The following ATG2B variants were observed in gnomAD, a reference collection of about 807,000 sequenced individuals.
The protein encoded by ATG2B is autophagy related 2B, also known as autophagy-related protein 2 homolog B.
A neutral mutation model predicts 241.3 loss-of-function variants in ATG2B; 121 were observed. The observed-to-expected ratio is 0.50, with a 90% CI of 0.43 to 0.58. The LOEUF is 0.58. Among genes scored for constraint, ATG2B ranks in the 20% least tolerant of loss-of-function variants. The probability of loss-of-function intolerance (pLI) is 0.00; values close to 1 mark genes in which losing one functional copy is unlikely to be tolerated. For missense variants in ATG2B, 2,306 were observed against 2,491.6 expected, an observed-to-expected ratio of 0.93 and a Z score of 1.59; for synonymous variants, 858 against 876.6, an observed-to-expected ratio of 0.98 and a Z score of 0.37.
chr14:96,295,169 T>G lies in ATG2B; in HGVS notation c.5219-2A>C. 6.2e-7 allele frequency: 1 copy of G among 1,612,792 alleles called. No homozygotes were observed. Among genetic ancestry groups the G allele is most frequent in the Non-Finnish European group, 8.5e-7 (1 of 1,179,024 alleles). On this transcript the variant is annotated splice_acceptor_variant, in intron 35 of 41. Transcript: ENST00000359933. LOFTEE classifies it high-confidence loss of function. ...CATCAGCTCCAGGAGACTTTTTAACTGAAAATGTAATGTGCATGTTTGAAA... is the reference window on the plus strand; with the variant it reads ...CATCAGCTCCAGGAGACTTTTTAACGGAAAATGTAATGTGCATGTTTGAAA...
chr14:96,312,620 C>A (rs1887192207), intron 25 of ATG2B, among the ~76,000 whole-genome samples: 1 of 151,906 alleles, frequency 6.6e-6, no homozygotes, highest in Non-Finnish European at 1.5e-5. Flanking sequence ...GATAGAGGCA[C>A]ACGTCTATAG....
At position 96,325,638 on chromosome 14, in the gene ATG2B, T is replaced by C. The variant is rs907239596; in HGVS notation, c.2437+11A>G. 3.7e-6 allele frequency: 6 copies of C among 1,606,362 alleles called. No individual in the cohort carries two copies. The highest frequency in any genetic ancestry group is 5.1e-6 in the Non-Finnish European group (6 of 1,176,944). On this transcript the variant is annotated intron_variant, in intron 15 of 41. Transcript: ENST00000359933. ...CTAGGATGGTTCTTTTACAGGCACA[T>C]TCAATCTTACCAATTAGTTCTCTAA...
intron 34 of ATG2B, among the ~76,000 whole-genome samples, chr14:96,300,781 T>C (rs1886768567): frequency 6.6e-6 from 1 of 152,254 alleles, no homozygotes; most frequent in Non-Finnish European, 1.5e-5. Flanking sequence ...TCAGAGGCTA[T>C]AAGCATTAAT....
intron 21 of ATG2B, 25 bp downstream of exon 21, chr14:96,316,507 GA>G (rs777578640): frequency 1.9e-6 from 3 of 1,600,452 alleles, no homozygotes; most frequent in Non-Finnish European, 2.6e-6. Context: ...CTAAAGAGAA[GA>G]AACCAAGACA....
In ATG2B at chr14:96,289,617, C is replaced by T; in HGVS notation, c.6006+39G>A. On this transcript the variant is annotated intron_variant, in intron 41 of 41. Transcript: ENST00000359933. The surrounding 1 kb of genome is among the most constrained non-coding windows in gnomAD (Gnocchi z 4.3). ...TTTAGGTGAAAGTTGGGAAAGCGCA[C>T]AGAAGGGTTCTGATGTGTCCACCCA... is the stretch of plus-strand genomic sequence containing the variant. The T allele has an allele frequency of 6.2e-7, 1 of 1,603,996 alleles. No individual in the cohort carries two copies. Among genetic ancestry groups the T allele is most frequent in the Non-Finnish European group, 8.5e-7 (1 of 1,175,158 alleles).
At chr14:96,292,867 T>C (rs996096490) in intron 36 of ATG2B, 1 of 152,358 alleles carries the variant, frequency 6.6e-6, no homozygotes, top group Non-Finnish European at 1.5e-5. Flanking sequence ...AAGTCCCTTA[T>C]ATAAAATGGG....
intron 6 of ATG2B, among the ~76,000 whole-genome samples, chr14:96,335,784 T>C (rs1887854384): frequency 6.6e-6 from 1 of 152,190 alleles, no homozygotes; most frequent in Non-Finnish European, 1.5e-5. Context: ...AATTTAAAAA[T>C]TGTTTTATAA....
intron 23 of ATG2B, among the ~76,000 whole-genome samples, 163 bp from the exon 24 acceptor site, chr14:96,313,598 T>C (rs1887223914): frequency 6.6e-6 from 1 of 152,156 alleles, no homozygotes; most frequent in Non-Finnish European, 1.5e-5. Context: ...AGGAATTAGT[T>C]TCAAAAAGTA....
intron 6 of ATG2B, 106 bp downstream of exon 6, chr14:96,341,416 A>T: frequency 1.2e-6 from 1 of 834,728 alleles, no homozygotes; most frequent in Non-Finnish European, 1.8e-6. Context: ...GCAGTACACT[A>T]GTTACAGGAT....
chr14:96,303,950 T>C (rs891710483), intron 32 of ATG2B, among the ~76,000 whole-genome samples: 2 of 152,230 alleles, frequency 1.3e-5, no homozygotes, highest in African/African-American at 4.8e-5. Flanking sequence ...TATGATTAAA[T>C]ACAGGGAATT....
At chr14:96,308,270 A>ATATATATATACG (rs1887046462) in intron 29 of ATG2B, among the ~76,000 whole-genome samples, 1 of 27,904 alleles carries the variant, frequency 3.6e-5, no homozygotes, top group Non-Finnish European at 5.9e-5. Flanking sequence ...ATATATATAT[A>ATATATATATACG]TATATATATA....
At position 96,306,796 on chromosome 14, in the gene ATG2B, T is replaced by C. The variant is rs1407971693; in HGVS notation, c.4424A>G (p.His1475Arg). ...ACCTGTCATTGCATCACTGATGAAA[T>C]GGTGAGAGAATGAGGCATAGGTGGG... The part of the protein sequence containing the change: ...SGPTYASFSH[H>R]FISDAMTGVP... The change falls in exon 30 of 42, where the codon CAT becomes CGT. Residue 1475 changes from histidine (H) to arginine (R), a missense_variant. Coordinates refer to ENST00000359933, the MANE Select transcript of ATG2B (RefSeq NM_018036.7). 5 of 1,614,088 alleles carry C rather than the reference T, an allele frequency of 3.1e-6. No homozygotes were observed. The highest frequency in any genetic ancestry group is 4.2e-6 in the Non-Finnish European group (5 of 1,180,002).
chr14:96,296,692 C>T (rs1314231840), intron 34 of ATG2B, among the ~76,000 whole-genome samples: 40 of 149,566 alleles, frequency 2.7e-4, no homozygotes, highest in Admixed American at 7.4e-4. Context: ...ACCTGGGAGG[C>T]GGAGGCTGCA....
chr14:96,311,516 A>G (rs1427087919), intron 27 of ATG2B, 26 bp downstream of exon 27: 4 of 1,549,320 alleles, frequency 2.6e-6, no homozygotes, highest in Non-Finnish European at 3.5e-6. Context: ...TAGAACTTAA[A>G]ATTTTCATTT....
intron 30 of ATG2B, among the ~76,000 whole-genome samples, chr14:96,306,089 A>C (rs1886938742): frequency 6.6e-6 from 1 of 152,188 alleles, no homozygotes; most frequent in South Asian, 2.1e-4. Flanking sequence ...AAAAAGCACA[A>C]ATTTAGTGTG....
intron 15 of ATG2B, among the ~76,000 whole-genome samples, chr14:96,324,414 G>A (rs768887175): frequency 7.2e-5 from 11 of 152,084 alleles, no homozygotes; most frequent in Non-Finnish European, 1.5e-4. Context: ...GGCTGGGCGC[G>A]GTGACTCACA....
Position 96,356,393 on chromosome 14 carries a change from C to T in ATG2B, c.162+6422G>A, listed in dbSNP as rs113546777. 2.3e-3 allele frequency among the ~76,000 whole-genome samples: 345 copies of T among 152,052 alleles called. 1 individual carries two copies. Among genetic ancestry groups the T allele is most frequent in the African/African-American group, 7.8e-3 (322 of 41,462 alleles). ...GCAAAAGGTCTTCAATTAATCACTG[C>T]GGAAACCCACAAAAAAGAGAAATGT... On this transcript the variant is annotated intron_variant, in intron 1 of 41. Transcript: ENST00000359933.
chr14:96,344,990 T>G (rs1036649331), intron 3 of ATG2B, among the ~76,000 whole-genome samples: 9 of 151,974 alleles, frequency 5.9e-5, no homozygotes, highest in Non-Finnish European at 1.2e-4. Context: ...TAACACTATC[T>G]GTTATATTCT....
At position 96,335,319 on chromosome 14, in the gene ATG2B, G is replaced by T. The variant is rs147835042; in HGVS notation, c.925-818C>A. Among the ~76,000 whole-genome samples the T allele has an allele frequency of 1.0e-3, 153 of 152,108 alleles. 4 individuals carry two copies. Among genetic ancestry groups the T allele is most frequent in the African/African-American group, 3.4e-3 (140 of 41,480 alleles). On this transcript the variant is annotated intron_variant, in intron 6 of 41. Transcript: ENST00000359933. ...AACAAAACATTTATATCTAGAAAAT[G>T]ACTTCTTCCCAGGAGAAAAAGGGAT...
Sources: gnomAD v4.1 joint callset for allele counts (sites outside exome capture counted in the v4.1 genomes callset) on GRCh38, gnomAD v4.1.1 for gene constraint, Gnocchi (gnomAD v3.1) non-coding constraint, MANE v1.5 for transcripts, NCBI Gene and HGNC (gene_info 2026-07-23, HGNC 2026-07-21) for gene names.